The following PCDH9 variants were observed in gnomAD, a reference collection of about 807,000 sequenced individuals.
PCDH9 encodes the protein protocadherin-9.
PCDH9 carries 24 observed loss-of-function variants against 70.6 expected under a neutral mutation model. The observed-to-expected ratio is 0.34, with a 90% confidence interval of 0.25 to 0.48. The LOEUF (loss-of-function observed/expected upper bound fraction) is 0.48, where lower values mean the gene tolerates loss of function less well. Among genes scored for constraint, PCDH9 ranks in the 20% least tolerant of loss-of-function variants. The probability of loss-of-function intolerance (pLI) is 0.99; values close to 1 mark genes in which losing one functional copy is unlikely to be tolerated. For missense variants in PCDH9, 1,281 were observed against 1,503.6 expected, an observed-to-expected ratio of 0.85 and a Z score of 2.45; for synonymous variants, 562 against 558.5, an observed-to-expected ratio of 1.01 and a Z score of -0.09.
At chr13:66,624,758 A>G (rs1480036576) in intron 4 of PCDH9, among the ~76,000 whole-genome samples, 1 of 152,230 alleles carries the variant, frequency 6.6e-6, no homozygotes, top group Admixed American at 6.5e-5. Context: ...TAAATATATG[A>G]AATATGCTTG....
At chr13:67,196,213 T>A (rs1316934234) in intron 2 of PCDH9, among the ~76,000 whole-genome samples, 1 of 152,088 alleles carries the variant, frequency 6.6e-6, no homozygotes, top group African/African-American at 2.4e-5. Context: ...AAAGAAAGAA[T>A]ATGTGGAATG....
chr13:67,111,662 C>T (rs571963290), intron 2 of PCDH9, among the ~76,000 whole-genome samples: 3 of 152,120 alleles, frequency 2.0e-5, no homozygotes, highest in South Asian at 4.2e-4. Context: ...GATATATTTT[C>T]TTAGTTATTT....
intron 4 of PCDH9, among the ~76,000 whole-genome samples, chr13:66,488,938 C>T (rs1014310878): frequency 6.6e-5 from 10 of 151,888 alleles, no homozygotes; most frequent in African/African-American, 1.9e-4. Flanking sequence ...TTCCCACAGG[C>T]GAGTACACCA....
At chr13:66,764,590 G>T (rs752612624) in intron 3 of PCDH9, among the ~76,000 whole-genome samples, 12 of 151,956 alleles carry the variant, frequency 7.9e-5, no homozygotes, top group Non-Finnish European at 1.3e-4. Context: ...AAATTGTCTG[G>T]TTTCTAAGAC....
chr13:66,610,189 G>C (rs920838427), intron 4 of PCDH9, among the ~76,000 whole-genome samples: 3 of 151,784 alleles, frequency 2.0e-5, no homozygotes, highest in African/African-American at 7.3e-5. Context: ...ATATCCACAC[G>C]CTAAGATATT....
chr13:66,384,084 A>G (rs1207046612), intron 4 of PCDH9, among the ~76,000 whole-genome samples: 1 of 152,150 alleles, frequency 6.6e-6, no homozygotes, highest in Middle Eastern at 3.3e-3. Context: ...TCATTATACA[A>G]ATAAAGAATT....
chr13:66,693,919 A>G (rs1388307083), intron 3 of PCDH9, among the ~76,000 whole-genome samples: 1 of 152,232 alleles, frequency 6.6e-6, no homozygotes. Flanking sequence ...GTCTTCAGCT[A>G]CACATTATCT....
intron 3 of PCDH9, among the ~76,000 whole-genome samples, chr13:66,847,761 A>C (rs902806607): frequency 2.0e-5 from 3 of 152,190 alleles, no homozygotes; most frequent in Non-Finnish European, 2.9e-5. Flanking sequence ...TCTTCTACTA[A>C]GTGACTAACG....
chr13:66,457,390 G>T (rs1236717421), intron 4 of PCDH9, among the ~76,000 whole-genome samples: 1 of 151,984 alleles, frequency 6.6e-6, no homozygotes, highest in African/African-American at 2.4e-5. Flanking sequence ...AATTCACCTT[G>T]CTTTTTGAAT....
At chr13:66,573,516 T>C (rs2076765489) in intron 4 of PCDH9, among the ~76,000 whole-genome samples, 1 of 152,164 alleles carries the variant, frequency 6.6e-6, no homozygotes, top group African/African-American at 2.4e-5. Context: ...CTAAATAGAT[T>C]TCCTTGTTAC....
At position 67,072,711 on chromosome 13, in the gene PCDH9, T is replaced by A. The variant is rs537104937; in HGVS notation, c.3036+152694A>T. 5.5e-4 allele frequency among the ~76,000 whole-genome samples: 58 copies of A among 105,484 alleles called. No homozygotes were observed. The South Asian group carries it at 0.012, about 21-fold the overall frequency. The allele number at this position is 105,484 out of a possible 152,430, so 69.2% of individuals were successfully genotyped here. On this transcript the variant is annotated intron_variant, in intron 2 of 4. Coordinates refer to ENST00000377865, the MANE Select transcript of PCDH9 (RefSeq NM_203487.3). ...TGAAACCCAAGAAGCAGAGAAGGAA[T>A]TTTTTATGTAATATACTTAAAAAAA...
In PCDH9 at chr13:66,303,551, T is replaced by C. The variant is rs1467600813; in HGVS notation, c.*1104A>G. The C allele has an allele frequency of 1.3e-5, 2 of 152,510 alleles. No homozygotes were observed. Among genetic ancestry groups the C allele is most frequent in the Non-Finnish European group, 2.9e-5 (2 of 67,994 alleles). The allele number at this position is 152,510 out of a possible 1,614,324, so 9.4% of individuals were successfully genotyped here. A position where few individuals can be genotyped will look rare whatever the true frequency, so the allele number is the denominator to read the frequency against. On this transcript the variant is annotated 3_prime_UTR_variant, in exon 5 of 5. Coordinates refer to ENST00000377865, the MANE Select transcript of PCDH9 (RefSeq NM_203487.3). Reference sequence around the variant, plus strand: ...ATTGTATATGAGGATCAACACAGACTCTGCCATTTCAACAAAGTTGTAGAC... The same window carrying C: ...ATTGTATATGAGGATCAACACAGACCCTGCCATTTCAACAAAGTTGTAGAC...
At chr13:67,002,402 C>T (rs552849595) in intron 2 of PCDH9, among the ~76,000 whole-genome samples, 2 of 151,854 alleles carry the variant, frequency 1.3e-5, no homozygotes, top group South Asian at 4.2e-4. Flanking sequence ...TAGGCATATA[C>T]GTGATATTGT....
chr13:66,581,166 A>G (rs920560688), intron 4 of PCDH9, among the ~76,000 whole-genome samples: 5 of 152,208 alleles, frequency 3.3e-5, no homozygotes, highest in African/African-American at 9.6e-5. Flanking sequence ...GTAATTTTTG[A>G]ATTCCAGACA....
intron 3 of PCDH9, among the ~76,000 whole-genome samples, chr13:66,891,186 T>C (rs561122250): frequency 1.3e-5 from 2 of 152,238 alleles, no homozygotes; most frequent in East Asian, 3.9e-4. Context: ...CTACCACCAT[T>C]TGTTTATGTA....
intron 3 of PCDH9, among the ~76,000 whole-genome samples, chr13:66,785,134 A>G (rs1490505299): frequency 2.0e-5 from 3 of 152,136 alleles, no homozygotes; most frequent in African/African-American, 7.2e-5. Flanking sequence ...TAGCAGCTTC[A>G]TCAGCCATGG....
intron 3 of PCDH9, among the ~76,000 whole-genome samples, chr13:66,736,192 A>G (rs953227879): frequency 5.3e-5 from 8 of 152,130 alleles, no homozygotes; most frequent in African/African-American, 1.7e-4. Context: ...GCTGAATTCT[A>G]TCTCCCCAAT....
rs34210948 is a variant in PCDH9 at position 66,304,406 on chromosome 13, TAA to T, written c.*247_*248del. The T allele has an allele frequency of 1.1e-3, 445 of 389,084 alleles. 1 individual carries two copies. Among genetic ancestry groups the T allele is most frequent in the Non-Finnish European group, 1.4e-3 (307 of 216,476 alleles). 24.1% of individuals were successfully genotyped at this position (389,084 alleles called of 1,614,324 possible). On this transcript the variant is annotated 3_prime_UTR_variant, in exon 5 of 5. Transcript: ENST00000377865. ...CCAGGGTCAAAATAAAATGCAATAATAAAAAAAATTTGCACAATGGAGAGATC... is the reference window on the plus strand; with the variant it reads ...CCAGGGTCAAAATAAAATGCAATAATAAAAAATTTGCACAATGGAGAGATC...
At chr13:67,032,822 C>G (rs2084933207) in intron 2 of PCDH9, among the ~76,000 whole-genome samples, 1 of 152,162 alleles carries the variant, frequency 6.6e-6, no homozygotes. Flanking sequence ...ATTTGAAGAG[C>G]TTTCCTCCTA....
Sources: allele counts gnomAD v4.1 joint callset (sites outside exome capture counted in the v4.1 genomes callset), GRCh38; gene constraint gnomAD v4.1.1; transcripts MANE v1.5; gene names NCBI Gene and HGNC (gene_info 2026-07-23, HGNC 2026-07-21).